The following TNFRSF4 variants were observed in gnomAD, a reference collection of about 807,000 sequenced individuals.
TNFRSF4 encodes the protein TNF receptor superfamily member 4, also known as tumor necrosis factor receptor superfamily member 4.
TNFRSF4 carries 21 observed loss-of-function variants against 29.5 expected under a neutral mutation model. That is an observed-to-expected ratio of 0.71 (90% CI 0.51 to 1.03). TNFRSF4 has a LOEUF of 1.03. Ranked by LOEUF, TNFRSF4 falls within the 50% of genes least tolerant of loss-of-function variation. The pLI is 0.00. For synonymous variants in TNFRSF4, 197 were observed against 172.7 expected (o/e 1.14, Z -1.10); for missense variants, 408 against 387.8 (o/e 1.05, Z -0.44).
chr1:1,213,647 C>T lies in TNFRSF4; in HGVS notation c.268+16G>A, dbSNP rs531282234. The T allele has an allele frequency of 6.3e-7, 1 of 1,575,748 alleles. No individual in the cohort carries two copies. The highest frequency in any genetic ancestry group is 1.3e-5 in the African/African-American group (1 of 74,294). ...CCCTGTGCTGGGTGGGGCTGTGGGG[C>T]CAGGTGGGAGCTCACTGAGGTTACA... On this transcript the variant is annotated intron_variant, in intron 2 of 6. Coordinates refer to ENST00000379236, the MANE Select transcript of TNFRSF4 (RefSeq NM_003327.4).
rs1355072205 is a variant in TNFRSF4, at chr1:1,211,914, C to T, written c.634+28G>A. ...CCCTTCTCCTATTCGGGTTGGGGGC[C>T]CCGCTGGGCTGGGCCAGGCGCCCTT... On this transcript the variant is annotated intron_variant, in intron 5 of 6. Transcript: ENST00000379236. The T allele has an allele frequency of 2.6e-6, 4 of 1,512,796 alleles. No homozygotes were observed. The East Asian group carries it at 7.2e-5, about 27-fold the overall frequency. 93.7% of individuals were successfully genotyped at this position (1,512,796 alleles called of 1,614,324 possible).
chr1:1,213,937 C>G (rs748969581), intron 1 of TNFRSF4, 46 bp downstream of exon 1: 3 of 1,531,886 alleles, frequency 2.0e-6, no homozygotes, highest in Non-Finnish European at 2.6e-6. Context: ...CCCCAGCCCC[C>G]AGTCCCTGGA....
At position 1,211,533 on chromosome 1, in the gene TNFRSF4, C is replaced by A. The variant is rs1436941423; in HGVS notation, c.*22G>T. 2 of 1,481,016 alleles carry A rather than the reference C, an allele frequency of 1.4e-6. No individual in the cohort carries two copies. The highest frequency in any genetic ancestry group is 2.6e-5 in the Admixed American group (1 of 39,096). 91.7% of individuals were successfully genotyped at this position (1,481,016 alleles called of 1,614,324 possible). On this transcript the variant is annotated 3_prime_UTR_variant, in exon 7 of 7. Transcript: ENST00000379236. ...CGGGCTCCAGCCTGGCGGGGCCCAG[C>A]GTCCACCTTGGTGGGCCCAGGTCAG...
Position 1,214,136 on chromosome 1 carries a change from C to G in TNFRSF4, c.-9G>C. 1 of 1,571,770 alleles carries G rather than the reference C, an allele frequency of 6.4e-7. No homozygotes were observed. The highest frequency in any genetic ancestry group is 8.6e-7 in the Non-Finnish European group (1 of 1,165,504). Reference sequence around the variant, plus strand: ...CGAGCCCCCACGCACATCCTCGTCTCTGCTGTCGCCAGAGTCTGGGTTTTC... The same window carrying G: ...CGAGCCCCCACGCACATCCTCGTCTGTGCTGTCGCCAGAGTCTGGGTTTTC... On this transcript the variant is annotated 5_prime_UTR_variant, in exon 1 of 7. Transcript: ENST00000379236. The surrounding 1 kb of genome is among the most constrained non-coding windows in gnomAD (Gnocchi z 4.2).
intron 2 of TNFRSF4, 114 bp from the exon 3 acceptor site, chr1:1,213,207 A>G: frequency 1.3e-6 from 2 of 1,535,702 alleles, no homozygotes; most frequent in South Asian, 1.2e-5. Context: ...GGCCGTGGGC[A>G]GGGGTCTGCG....
chr1:1,213,382 C>A (rs765933538), intron 2 of TNFRSF4: 4 of 1,532,368 alleles, frequency 2.6e-6, no homozygotes, highest in African/African-American at 1.4e-5. Flanking sequence ...ATGGCCCAAC[C>A]CCCCAGCCTC....
rs746877501 is a variant in TNFRSF4, at chr1:1,212,055, G to C, written c.521C>G (p.Thr174Arg). ...AICEDRDPPA[T>R]QPQETQGPPA... is the part of the protein sequence containing the mutation. ...GGGGCCCTGGGTCTCCTGGGGCTGC[G>C]TGGCTGGGGGGTCCCTGTCCTCACA... The change falls in exon 5 of 7, where the codon ACG becomes AGG. Residue 174 changes from threonine to arginine, a missense_variant. Physicochemically the swap from Thr to Arg is moderately conservative, Grantham distance 71. Coordinates refer to ENST00000379236, the MANE Select transcript of TNFRSF4 (RefSeq NM_003327.4). 1 of 1,612,012 alleles carries C rather than the reference G, an allele frequency of 6.2e-7. No individual in the cohort carries two copies. The highest frequency in any genetic ancestry group is 1.1e-5 in the South Asian group (1 of 90,980).
chr1:1,213,177 G>A, intron 2 of TNFRSF4, 84 bp from the exon 3 acceptor site: 1 of 1,539,906 alleles, frequency 6.5e-7, no homozygotes, highest in African/African-American at 1.4e-5. Flanking sequence ...AGGACAGGTT[G>A]GCCTCCCCAC....
rs1649251827 is a variant in TNFRSF4 at position 1,213,043 on chromosome 1, AGACT to A, written c.315_318del (p.Val106AlafsTer?). The stretch of plus-strand genomic sequence containing the variant: ...GGCTGGGTGCCCGCCCGGCAGCGGC[AGACT>A]GTGTCCTGTGTGGCCGTGCACAGCT... On this transcript the variant is annotated frameshift_variant, in exon 3 of 7. Transcript: ENST00000379236. LOFTEE classifies it high-confidence loss of function. 6.2e-7 allele frequency: 1 copy of A among 1,611,542 alleles called. No individual in the cohort carries two copies. Among genetic ancestry groups the A allele is most frequent in the African/African-American group, 1.3e-5 (1 of 75,026 alleles).
chr1:1,212,159 T>C lies in TNFRSF4; in HGVS notation c.438-21A>G, dbSNP rs768177221. On this transcript the variant is annotated intron_variant, in intron 4 of 6. Coordinates refer to ENST00000379236, the MANE Select transcript of TNFRSF4 (RefSeq NM_003327.4). ...TGCAGCTGTTGGGGAACAGGAGGTG[T>C]TGCTCAGGCCAGAAACCCCCTGGGA... 5 of 1,611,760 alleles carry C rather than the reference T, an allele frequency of 3.1e-6. No homozygotes were observed. The South Asian group carries it at 5.5e-5, about 18-fold the overall frequency.
chr1:1,212,358 C>T (rs1649184320), intron 4 of TNFRSF4, among the ~76,000 whole-genome samples: 1 of 152,110 alleles, frequency 6.6e-6, no homozygotes, highest in Admixed American at 6.5e-5. Flanking sequence ...CCAGCACCTC[C>T]CTGTCCTGTG....
intron 4 of TNFRSF4, 75 bp downstream of exon 4, chr1:1,212,563 C>A: frequency 1.3e-6 from 1 of 749,468 alleles, no homozygotes; most frequent in Non-Finnish European, 1.9e-6. Flanking sequence ...CCCCTCCCAG[C>A]TCCCCAGCTC....
At chr1:1,212,250 C>G in intron 4 of TNFRSF4, 112 bp from the exon 5 acceptor site, 5 of 1,258,174 alleles carry the variant, frequency 4.0e-6, no homozygotes. Context: ...CTACCACAGA[C>G]ACCAGGCCAG....
intron 2 of TNFRSF4, 144 bp downstream of exon 2, chr1:1,213,519 G>A: frequency 1.4e-6 from 2 of 1,463,526 alleles, no homozygotes; most frequent in Non-Finnish European, 1.8e-6. Context: ...GCTCCTCGAA[G>A]GACCCCTGTG....
intron 2 of TNFRSF4, 35 bp from the exon 3 acceptor site, chr1:1,213,128 G>T: frequency 6.3e-7 from 1 of 1,585,204 alleles, no homozygotes. Context: ...TGGTCAGGTG[G>T]GGGCTGTGGA....
rs761778989 is a variant in TNFRSF4 at position 1,212,992 on chromosome 1, C to A, written c.370G>T (p.Asp124Tyr). ...QPLDSYKPGV[D>Y]CAPCPPGHFS... ...CGCCGGCCGCAGCCACCGAGCTCAC[C>A]AACTCCAGGCTTGTAGCTGTCCAGG... Residue 124 changes from aspartate (D) to tyrosine (Y), a missense_variant and splice_region_variant, in exon 3 of 7, where the codon GAC becomes TAC. Transcript: ENST00000379236. 5.0e-6 allele frequency: 8 copies of A among 1,609,714 alleles called. No individual in the cohort carries two copies. The African/African-American group carries it at 1.1e-4, about 22-fold the overall frequency.
At chr1:1,213,429 C>T (rs1198436170) in intron 2 of TNFRSF4, 16 of 1,530,196 alleles carry the variant, frequency 1.0e-5, no homozygotes, top group South Asian at 8.5e-5. Flanking sequence ...ACATGGCCAG[C>T]GTGGTCTCCC....
In TNFRSF4 at chr1:1,214,144, G is replaced by A. The variant is rs749670386; in HGVS notation, c.-17C>T. On this transcript the variant is annotated 5_prime_UTR_variant, in exon 1 of 7. Transcript: ENST00000379236. This position sits in a 1 kb window ranked among gnomAD's most constrained non-coding sequence, Gnocchi z 4.2. ...CACGCACATCCTCGTCTCTGCTGTC[G>A]CCAGAGTCTGGGTTTTCCTTGCGGG... 1.9e-5 allele frequency: 29 copies of A among 1,564,898 alleles called. No homozygotes were observed. The highest frequency in any genetic ancestry group is 6.9e-5 in the South Asian group (6 of 86,560).
chr1:1,212,852 G>A, intron 3 of TNFRSF4, 140 bp downstream of exon 3: 4 of 1,228,784 alleles, frequency 3.3e-6, no homozygotes, highest in African/African-American at 1.5e-5. Context: ...TCCCACCCGT[G>A]GGCCCTGACC....
Sources: allele counts gnomAD v4.1 joint callset (sites outside exome capture counted in the v4.1 genomes callset), GRCh38; gene constraint gnomAD v4.1.1; non-coding constraint Gnocchi (gnomAD v3.1); transcripts MANE v1.5; gene names NCBI Gene and HGNC (gene_info 2026-07-23, HGNC 2026-07-21).